RPS6KC1: variants seen among roughly 807,000 people sequenced by gnomAD.
RPS6KC1 encodes the protein inactive ribosomal protein S6 kinase delta-1.
In RPS6KC1, 54 loss-of-function variants were observed where a neutral mutation model predicts 103.8. That is an observed-to-expected ratio of 0.52 (90% CI 0.42 to 0.65). The LOEUF (loss-of-function observed/expected upper bound fraction) is 0.65, where lower values mean the gene tolerates loss of function less well. RPS6KC1 is among the 30% of genes least tolerant of loss of function. The pLI is 0.00. For missense variants in RPS6KC1, 1,151 were observed against 1,253.8 expected, an observed-to-expected ratio of 0.92 and a Z score of 1.24; for synonymous variants, 439 against 438.7, an observed-to-expected ratio of 1.00 and a Z score of -0.01.
intron 2 of RPS6KC1, among the ~76,000 whole-genome samples, chr1:213,074,883 C>G (rs2079180645): frequency 9.7e-6 from 1 of 102,614 alleles, no homozygotes; most frequent in Non-Finnish European, 1.8e-5. Context: ...TACGGAGTCT[C>G]GCTCTGTCAC....
At chr1:213,588,335 C>A in the RPS6KC1 span, among the ~76,000 whole-genome samples, 4 of 151,078 alleles carry the variant, frequency 2.6e-5, no homozygotes, top group Admixed American at 1.3e-4. Flanking sequence ...CACTTGTTGC[C>A]CAGGCTGGAG....
intron 12 of RPS6KC1, among the ~76,000 whole-genome samples, chr1:213,251,757 T>C (rs2094549955): frequency 6.6e-6 from 1 of 152,212 alleles, no homozygotes; most frequent in South Asian, 2.1e-4. Flanking sequence ...ATGCCTTGAA[T>C]GGACAGTGCT....
the RPS6KC1 span, among the ~76,000 whole-genome samples, chr1:213,586,051 G>A: frequency 6.6e-6 from 1 of 152,264 alleles, no homozygotes; most frequent in African/African-American, 2.4e-5. Flanking sequence ...GCCTCTCCAG[G>A]AGACCAATCT....
At chr1:213,061,292 A>G (rs2077815774) in intron 1 of RPS6KC1, among the ~76,000 whole-genome samples, 1 of 152,240 alleles carries the variant, frequency 6.6e-6, no homozygotes, top group Admixed American at 6.5e-5. Context: ...AATGTCTAAA[A>G]TTTGTCCCAT....
chr1:213,485,393 T>C, the RPS6KC1 span, among the ~76,000 whole-genome samples: 1 of 151,880 alleles, frequency 6.6e-6, no homozygotes, highest in Admixed American at 6.6e-5. Context: ...AAGAGTATAC[T>C]CTCCCACCCC....
At chr1:213,849,309 A>G in the RPS6KC1 span, among the ~76,000 whole-genome samples, 5 of 152,164 alleles carry the variant, frequency 3.3e-5, no homozygotes, top group African/African-American at 1.2e-4. Context: ...GGTGAGCAAC[A>G]GCAGCAGACG....
chr1:213,791,042 G>C, the RPS6KC1 span, among the ~76,000 whole-genome samples: 4 of 96,426 alleles, frequency 4.1e-5, no homozygotes, highest in Admixed American at 4.9e-4. Flanking sequence ...AGGACTTGAA[G>C]AACCATGGTA....
chr1:213,753,301 G>A, the RPS6KC1 span, among the ~76,000 whole-genome samples: 1 of 152,192 alleles, frequency 6.6e-6, no homozygotes, highest in African/African-American at 2.4e-5. Context: ...ACTATTAGCT[G>A]TAGATTAATC....
chr1:213,814,105 G>A, the RPS6KC1 span, among the ~76,000 whole-genome samples: 19 of 152,220 alleles, frequency 1.2e-4, no homozygotes, highest in Non-Finnish European at 1.5e-5. Flanking sequence ...GGACTGTCAA[G>A]GAAAACCAGA....
At chr1:213,719,577 G>A in the RPS6KC1 span, among the ~76,000 whole-genome samples, 2 of 151,842 alleles carry the variant, frequency 1.3e-5, no homozygotes, top group Non-Finnish European at 2.9e-5. Flanking sequence ...AACATCTCTT[G>A]AACATGAAGA....
the RPS6KC1 span, chr1:213,492,705 CT>C: frequency 2.0e-5 from 3 of 152,278 alleles, no homozygotes; most frequent in African/African-American, 7.2e-5. Flanking sequence ...CGCTCCTGTG[CT>C]TACTCTCCCT....
chr1:213,190,447 T>C (rs183266123), intron 8 of RPS6KC1, among the ~76,000 whole-genome samples: 103 of 152,330 alleles, frequency 6.8e-4, no homozygotes, highest in African/African-American at 2.3e-3. Context: ...CATTTTTATG[T>C]CTTCTTTTTA....
chr1:213,541,554 T>G, the RPS6KC1 span, among the ~76,000 whole-genome samples: 1 of 152,026 alleles, frequency 6.6e-6, no homozygotes, highest in Non-Finnish European at 1.5e-5. Flanking sequence ...TATTCCTGTA[T>G]CCATAATGCT....
At chr1:213,800,011 G>T in the RPS6KC1 span, among the ~76,000 whole-genome samples, 2 of 152,180 alleles carry the variant, frequency 1.3e-5, no homozygotes, top group Admixed American at 6.5e-5. Flanking sequence ...AGGAAGCTCT[G>T]CTGTCTCTTC....
At chr1:213,524,694 C>T in the RPS6KC1 span, among the ~76,000 whole-genome samples, 1 of 152,312 alleles carries the variant, frequency 6.6e-6, no homozygotes, top group Admixed American at 6.5e-5. Context: ...GTTAATACCA[C>T]CTACTCACAG....
chr1:213,495,886 C>A, the RPS6KC1 span, among the ~76,000 whole-genome samples: 1 of 152,048 alleles, frequency 6.6e-6, no homozygotes, highest in Non-Finnish European at 1.5e-5. Context: ...ACAAGGTAAT[C>A]ATAATAATCT....
the RPS6KC1 span, among the ~76,000 whole-genome samples, chr1:213,768,619 T>C: frequency 3.3e-5 from 5 of 152,338 alleles, no homozygotes; most frequent in Admixed American, 2.0e-4. Flanking sequence ...ACAAAACCTA[T>C]AGAGAGGAAT....
chr1:213,108,288 T>G (rs1427921998), intron 4 of RPS6KC1, among the ~76,000 whole-genome samples: 1 of 152,220 alleles, frequency 6.6e-6, no homozygotes, highest in East Asian at 1.9e-4. Context: ...AGGAACGGTC[T>G]AAATTCATCT....
the RPS6KC1 span, among the ~76,000 whole-genome samples, chr1:213,347,036 A>T: frequency 6.6e-6 from 1 of 152,342 alleles, no homozygotes; most frequent in African/African-American, 2.4e-5. Flanking sequence ...GACGATAGGC[A>T]TTAACCTGGC....
Sources: gnomAD v4.1 joint callset for allele counts (sites outside exome capture counted in the v4.1 genomes callset) on GRCh38, gnomAD v4.1.1 for gene constraint, MANE v1.5 for transcripts, NCBI Gene and HGNC (gene_info 2026-07-23, HGNC 2026-07-21) for gene names.